EFCAB11: variants seen among roughly 807,000 people sequenced by gnomAD.
The protein encoded by EFCAB11 is EF-hand calcium-binding domain-containing protein 11.
In EFCAB11, 14 loss-of-function variants were observed where a neutral mutation model predicts 23.0. The ratio of observed to expected loss-of-function variants is 0.61; its 90% CI spans 0.40 to 0.95. EFCAB11 has a LOEUF of 0.95. Among genes scored for constraint, EFCAB11 ranks in the 40% least tolerant of loss-of-function variants. The pLI, the probability that EFCAB11 is intolerant of heterozygous loss-of-function variation, is 0.00. For synonymous variants in EFCAB11, 65 were observed against 66.6 expected (o/e 0.98, Z 0.11); for missense variants, 198 against 195.8 (o/e 1.01, Z -0.07).
chr14:89,863,991 C>T (rs1034078971), intron 5 of EFCAB11, among the ~76,000 whole-genome samples: 2 of 152,178 alleles, frequency 1.3e-5, no homozygotes, highest in Non-Finnish European at 2.9e-5. Flanking sequence ...CCCTTATTTG[C>T]ATCTTCTTCC....
At chr14:89,821,683 G>A (rs1480710998) in intron 5 of EFCAB11, among the ~76,000 whole-genome samples, 1 of 152,208 alleles carries the variant, frequency 6.6e-6, no homozygotes, top group Non-Finnish European at 1.5e-5. Flanking sequence ...CTAGCTTTCT[G>A]CCTAGAGGCA....
chr14:89,801,811 T>C (rs966856351), intron 5 of EFCAB11, among the ~76,000 whole-genome samples: 11 of 152,046 alleles, frequency 7.2e-5, no homozygotes, highest in Non-Finnish European at 1.2e-4. Flanking sequence ...CTGGGCAACA[T>C]GGTGAAACCC....
intron 5 of EFCAB11, among the ~76,000 whole-genome samples, chr14:89,917,322 A>T (rs1413436358): frequency 6.6e-6 from 1 of 152,218 alleles, no homozygotes; most frequent in Non-Finnish European, 1.5e-5. Flanking sequence ...TAGATGTCAC[A>T]TATAAGTAAT....
intron 3 of EFCAB11, among the ~76,000 whole-genome samples, chr14:89,941,487 T>C (rs1890790509): frequency 6.6e-6 from 1 of 152,138 alleles, no homozygotes; most frequent in Non-Finnish European, 1.5e-5. Flanking sequence ...ATCACGTTGG[T>C]CTGGTACTTA....
chr14:89,928,986 A>C (rs1418714513), intron 5 of EFCAB11, among the ~76,000 whole-genome samples: 1 of 145,252 alleles, frequency 6.9e-6, no homozygotes, highest in Non-Finnish European at 1.5e-5. Flanking sequence ...ATACATTTTC[A>C]AGATATACTC....
At chr14:89,817,355 C>A (rs990747808) in intron 5 of EFCAB11, among the ~76,000 whole-genome samples, 3 of 151,700 alleles carry the variant, frequency 2.0e-5, no homozygotes, top group Non-Finnish European at 4.4e-5. Flanking sequence ...GACCCTGTCT[C>A]TACAAAAAAT....
chr14:89,928,912 A>G (rs1890286289), intron 5 of EFCAB11, among the ~76,000 whole-genome samples: 1 of 147,750 alleles, frequency 6.8e-6, no homozygotes, highest in Admixed American at 6.8e-5. Context: ...ATATAATTCC[A>G]ATCATAATTA....
At chr14:89,872,190 T>A (rs868491861) in intron 5 of EFCAB11, among the ~76,000 whole-genome samples, 1 of 152,244 alleles carries the variant, frequency 6.6e-6, no homozygotes, top group Non-Finnish European at 1.5e-5. Flanking sequence ...ATATAATAAT[T>A]CAACAGTTTC....
intron 4 of EFCAB11, among the ~76,000 whole-genome samples, chr14:89,932,112 T>C (rs1890411000): frequency 6.6e-6 from 1 of 152,114 alleles, no homozygotes; most frequent in Non-Finnish European, 1.5e-5. Flanking sequence ...CTGTGGGGCC[T>C]AGGGGGTCTA....
At chr14:89,953,046 C>T (rs1486346769) in intron 2 of EFCAB11, among the ~76,000 whole-genome samples, 1 of 152,166 alleles carries the variant, frequency 6.6e-6, no homozygotes, top group Non-Finnish European at 1.5e-5. Context: ...GCTCAACTCT[C>T]ATTATTGGTG....
chr14:89,893,899 C>A (rs1241954104), intron 5 of EFCAB11, among the ~76,000 whole-genome samples: 5 of 151,796 alleles, frequency 3.3e-5, no homozygotes, highest in African/African-American at 9.7e-5. Flanking sequence ...ACATGTTATT[C>A]ATCATATTAA....
At chr14:89,863,441 T>C (rs1414192071) in intron 5 of EFCAB11, among the ~76,000 whole-genome samples, 1 of 152,268 alleles carries the variant, frequency 6.6e-6, no homozygotes, top group Non-Finnish European at 1.5e-5. Context: ...TCCCTTTCCT[T>C]GCCAACATCT....
At chr14:89,938,432 G>A (rs1890668927) in intron 3 of EFCAB11, among the ~76,000 whole-genome samples, 1 of 152,188 alleles carries the variant, frequency 6.6e-6, no homozygotes, top group Admixed American at 6.5e-5. Context: ...AGGATATAAT[G>A]TGTTCGCACA....
At position 89,954,646 on chromosome 14, in the gene EFCAB11, C is replaced by T. The variant is rs757253029; in HGVS notation, c.15G>A (p.Glu5=). MFFS[E]ARARSRTWEA... ...CCCACGTCCGCGACCTGGCTCTGGCCTCGGAGAAGAACATCGCGACTACAA... is the reference window on the plus strand; with the variant it reads ...CCCACGTCCGCGACCTGGCTCTGGCTTCGGAGAAGAACATCGCGACTACAA... Residue 5 remains glutamate (E), a synonymous_variant, in exon 1 of 6, where the codon GAG becomes GAA. Coordinates refer to ENST00000316738, the MANE Select transcript of EFCAB11 (RefSeq NM_145231.4). 5 of 1,612,680 alleles carry T rather than the reference C, an allele frequency of 3.1e-6. No individual in the cohort carries two copies. The highest frequency in any genetic ancestry group is 3.4e-6 in the Non-Finnish European group (4 of 1,179,866).
intron 5 of EFCAB11, among the ~76,000 whole-genome samples, chr14:89,878,145 C>T (rs958480651): frequency 6.6e-6 from 1 of 152,122 alleles, no homozygotes; most frequent in Non-Finnish European, 1.5e-5. Flanking sequence ...TTCTAGCTTG[C>T]AGGTGGGACG....
At chr14:89,800,485 T>C (rs1045312606) in intron 5 of EFCAB11, among the ~76,000 whole-genome samples, 1 of 152,112 alleles carries the variant, frequency 6.6e-6, no homozygotes, top group Non-Finnish European at 1.5e-5. Flanking sequence ...GTCTAACCCA[T>C]AGTCAAAGAC....
chr14:89,802,789 T>G (rs1284301400), intron 5 of EFCAB11, among the ~76,000 whole-genome samples: 1 of 152,258 alleles, frequency 6.6e-6, no homozygotes, highest in African/African-American at 2.4e-5. Flanking sequence ...GGTAGGGTTT[T>G]GGGTAATTCT....
rs751973784 is a variant in EFCAB11 at position 89,953,915 on chromosome 14, CT to C, written c.161del (p.Lys54SerfsTer5). The part of the protein sequence containing the change: ...KTAVVMLFGY[K>X]PSKIEVDSVM... ...TATAAGAAAGCTCTACCTTGGAGGG[CT>C]TGTACCCAAACAGCATTACAACAGC... On this transcript the variant is annotated frameshift_variant, in exon 2 of 6. Transcript: ENST00000316738. LOFTEE classifies it high-confidence loss of function. 1 of 1,613,446 alleles carries C rather than the reference CT, an allele frequency of 6.2e-7. No homozygotes were observed. Among genetic ancestry groups the C allele is most frequent in the East Asian group, 2.2e-5 (1 of 44,866 alleles).
In EFCAB11 at chr14:89,877,406, G is replaced by A. The variant is rs183157792; in HGVS notation, c.410+54135C>T. ...AATCAGGTAATGGGGCCAAGAAGAG[G>A]TTCTAAAAGGGCAGAATAAAGTACA... On this transcript the variant is annotated intron_variant, in intron 5 of 5. Transcript: ENST00000316738. Among the ~76,000 whole-genome samples the A allele has an allele frequency of 2.6e-5, 4 of 152,226 alleles. No individual in the cohort carries two copies. The East Asian group carries it at 7.7e-4, about 29-fold the overall frequency.
Sources: gnomAD v4.1 joint callset for allele counts (sites outside exome capture counted in the v4.1 genomes callset) on GRCh38, gnomAD v4.1.1 for gene constraint, MANE v1.5 for transcripts, NCBI Gene and HGNC (gene_info 2026-07-23, HGNC 2026-07-21) for gene names.